Variants in SCLT1 observed in about 807,000 individuals in gnomAD.
SCLT1 encodes sodium channel and clathrin linker 1.
Under a neutral mutation model 112.8 loss-of-function variants are expected in SCLT1, and 78 were observed. That is an observed-to-expected ratio of 0.69 (90% CI 0.58 to 0.83). The LOEUF (loss-of-function observed/expected upper bound fraction) is 0.83. Ranked by LOEUF, SCLT1 falls within the 40% of genes least tolerant of loss-of-function variation. The pLI, the probability that SCLT1 is intolerant of heterozygous loss-of-function variation, is 0.00. For missense variants in SCLT1, 747 were observed against 770.4 expected (o/e 0.97, Z 0.36); for synonymous variants, 257 against 254.7 (o/e 1.01, Z -0.09).
chr4:128,985,043 A>G (rs995684734), intron 9 of SCLT1, among the ~76,000 whole-genome samples: 4 of 152,120 alleles, frequency 2.6e-5, no homozygotes, highest in African/African-American at 7.2e-5. Context: ...TTACATGTAA[A>G]TATGTGTTTC....
At chr4:128,899,485 T>TAC (rs1734082644) in intron 18 of SCLT1, among the ~76,000 whole-genome samples, 1 of 150,564 alleles carries the variant, frequency 6.6e-6, no homozygotes, top group South Asian at 2.1e-4. Context: ...CCATTCATGC[T>TAC]AAAAACTCTC....
At chr4:129,062,932 A>G (rs1421243292) in intron 2 of SCLT1, among the ~76,000 whole-genome samples, 1 of 152,140 alleles carries the variant, frequency 6.6e-6, no homozygotes, top group African/African-American at 2.4e-5. Context: ...GTCTCCCAAG[A>G]TTTGGGAATT....
chr4:129,039,891 T>TGC (rs139255081), intron 4 of SCLT1: 48 of 264,140 alleles, frequency 1.8e-4, no homozygotes, highest in African/African-American at 1.1e-3. Context: ...ATGGAGAGTG[T>TGC]GCGCGCGCGC....
rs34603915 is a variant in SCLT1, at chr4:128,975,040, C to CTTTTTTT, written c.687-4579_687-4573dup. On this transcript the variant is annotated intron_variant, in intron 9 of 20. Transcript: ENST00000281142. ...GATATTAAACAGATTTGAATGACAA[C>CTTTTTTT]TTTTTTTTTTTTTTTTGAGATGGAG... 1.2e-3 allele frequency among the ~76,000 whole-genome samples: 107 copies of CTTTTTTT among 87,034 alleles called. 22 individuals carry two copies. Among genetic ancestry groups the CTTTTTTT allele is most frequent in the African/African-American group, 4.9e-3 (91 of 18,508 alleles). The allele number at this position is 87,034 out of a possible 152,430, so 57.1% of individuals were successfully genotyped here. A position where few individuals can be genotyped will look rare whatever the true frequency, so the allele number is the denominator to read the frequency against.
At chr4:128,880,523 A>G (rs1212379273), downstream of SCLT1, among the ~76,000 whole-genome samples, 3 of 152,228 alleles carry the variant, frequency 2.0e-5, no homozygotes, top group Non-Finnish European at 4.4e-5. Flanking sequence ...TAATGTAATT[A>G]AATTTAATAG....
chr4:129,021,915 G>A (rs965082976), intron 5 of SCLT1, among the ~76,000 whole-genome samples: 12 of 152,322 alleles, frequency 7.9e-5, no homozygotes, highest in African/African-American at 2.9e-4. Flanking sequence ...TCATATAGGA[G>A]AGCTCCAGCT....
intron 6 of SCLT1, among the ~76,000 whole-genome samples, chr4:129,002,059 T>C (rs1743538742): frequency 6.6e-6 from 1 of 152,066 alleles, no homozygotes; most frequent in Admixed American, 6.6e-5. Context: ...ATATAGCCTT[T>C]CTGACTTACC....
intron 5 of SCLT1, among the ~76,000 whole-genome samples, chr4:129,030,476 GGAGACA>G: frequency 2.0e-5 from 3 of 152,220 alleles, no homozygotes; most frequent in Admixed American, 2.0e-4. Context: ...CAGAACTGAA[GGAGACA>G]GAGACATGAA....
intron 2 of SCLT1, 53 bp downstream of exon 2, chr4:129,082,253 T>C (rs1752004743): frequency 2.5e-6 from 2 of 812,198 alleles, no homozygotes; most frequent in East Asian, 2.8e-5. Flanking sequence ...TTCAAAGTGC[T>C]GTAGGCAACT....
At chr4:129,066,719 A>G (rs919598714) in intron 2 of SCLT1, among the ~76,000 whole-genome samples, 1 of 152,120 alleles carries the variant, frequency 6.6e-6, no homozygotes, top group Non-Finnish European at 1.5e-5. Flanking sequence ...CTGGTAAAAT[A>G]TATTTCAAAT....
At chr4:129,089,213 T>TA (rs1187410388) in intron 1 of SCLT1, among the ~76,000 whole-genome samples, 3 of 152,102 alleles carry the variant, frequency 2.0e-5, no homozygotes, top group African/African-American at 7.2e-5. Flanking sequence ...AACAAACACT[T>TA]CTCAAAAGAA....
chr4:129,059,460 G>C (rs1005333702), intron 2 of SCLT1, among the ~76,000 whole-genome samples: 1 of 151,976 alleles, frequency 6.6e-6, no homozygotes, highest in East Asian at 1.9e-4. Context: ...AGTGAGTTTT[G>C]TATTTTTATG....
chr4:129,087,078 C>CG (rs1295039458), intron 1 of SCLT1, among the ~76,000 whole-genome samples: 11 of 151,860 alleles, frequency 7.2e-5, no homozygotes, highest in Admixed American at 4.6e-4. Flanking sequence ...GGCCATGACA[C>CG]GGGGGGAGGA....
At chr4:128,911,556 C>T (rs948719584) in intron 18 of SCLT1, among the ~76,000 whole-genome samples, 7 of 151,908 alleles carry the variant, frequency 4.6e-5, no homozygotes, top group Non-Finnish European at 5.9e-5. Flanking sequence ...CTAAGTTCTC[C>T]GATACTAAGA....
At chr4:129,009,996 G>T (rs1744377588) in intron 5 of SCLT1, among the ~76,000 whole-genome samples, 1 of 152,086 alleles carries the variant, frequency 6.6e-6, no homozygotes, top group South Asian at 2.1e-4. Flanking sequence ...ATTGCTTTTG[G>T]TATCTTCTTA....
At chr4:128,936,367 A>T (rs1737182382) in intron 18 of SCLT1, among the ~76,000 whole-genome samples, 2 of 152,116 alleles carry the variant, frequency 1.3e-5, no homozygotes, top group East Asian at 3.8e-4. Context: ...CCAGAGAACA[A>T]ATATTTCAGG....
intron 2 of SCLT1, among the ~76,000 whole-genome samples, chr4:129,081,817 A>T (rs1163216838): frequency 1.3e-5 from 2 of 152,212 alleles, no homozygotes; most frequent in Non-Finnish European, 1.5e-5. Context: ...GTCACCACTA[A>T]TCTACGAGCC....
chr4:128,949,503 A>G (rs1738508604), intron 14 of SCLT1, among the ~76,000 whole-genome samples: 1 of 151,888 alleles, frequency 6.6e-6, no homozygotes, highest in Non-Finnish European at 1.5e-5. Context: ...AGCATTAGGT[A>G]TATCTCCTAA....
At chr4:129,057,368 C>A (rs1327283916) in intron 2 of SCLT1, among the ~76,000 whole-genome samples, 4 of 147,972 alleles carry the variant, frequency 2.7e-5, no homozygotes, top group Non-Finnish European at 1.5e-5. Flanking sequence ...ATCACCTAAC[C>A]TTTGGTTTTC....
Sources: gnomAD v4.1 joint callset for allele counts (sites outside exome capture counted in the v4.1 genomes callset) on GRCh38, gnomAD v4.1.1 for gene constraint, MANE v1.5 for transcripts, NCBI Gene and HGNC (gene_info 2026-07-23, HGNC 2026-07-21) for gene names.